SUB1: variants seen among roughly 807,000 people sequenced by gnomAD.
SUB1 encodes the protein activated RNA polymerase II transcriptional coactivator p15.
In SUB1, 1 loss-of-function variant was observed where a neutral mutation model predicts 16.9. The ratio of observed to expected loss-of-function variants is 0.06; its 90% CI spans 0.02 to 0.28. The LOEUF is 0.28. SUB1 is among the 10% of genes least tolerant of loss of function. The pLI is 1.00. For missense variants in SUB1, 84 were observed against 145.2 expected (o/e 0.58, Z 2.16); for synonymous variants, 51 against 46.9 (o/e 1.09, Z -0.36).
rs112979050 is a variant in SUB1 at position 32,591,824 on chromosome 5, C to T, written c.195+139C>T. 1.2e-4 allele frequency: 126 copies of T among 1,034,260 alleles called. No homozygotes were observed. The African/African-American group carries it at 1.3e-3, about 11-fold the overall frequency. 64.1% of individuals were successfully genotyped at this position (1,034,260 alleles called of 1,614,324 possible). On this transcript the variant is annotated intron_variant, in intron 3 of 4. Coordinates refer to ENST00000265073, the MANE Select transcript of SUB1 (RefSeq NM_006713.4). ...CAAGCAGTTCTCTGCCTCAGCCTCC[C>T]GAGTAGCTAGGATTACAGGCATCCG...
At chr5:32,588,980 C>T (rs936553461) in intron 2 of SUB1, among the ~76,000 whole-genome samples, 1 of 152,048 alleles carries the variant, frequency 6.6e-6, no homozygotes, top group Non-Finnish European at 1.5e-5. Context: ...CATTAGGAAC[C>T]CTAAAGTTGC....
intron 2 of SUB1, among the ~76,000 whole-genome samples, chr5:32,589,370 A>T (rs1219857307): frequency 2.0e-5 from 3 of 152,198 alleles, no homozygotes; most frequent in East Asian, 3.8e-4. Context: ...TACAGGTGTG[A>T]GCCATCATGA....
intron 2 of SUB1, among the ~76,000 whole-genome samples, chr5:32,590,063 C>G (rs528894103): frequency 1.1e-4 from 17 of 152,278 alleles, no homozygotes; most frequent in East Asian, 5.8e-4. Context: ...TGATGTAACA[C>G]ATGTGTATTG....
chr5:32,591,439 A>T, intron 2 of SUB1, 124 bp from the exon 3 acceptor site: 1 of 1,304,016 alleles, frequency 7.7e-7, no homozygotes, highest in Non-Finnish European at 1.0e-6. Flanking sequence ...TTGCTTATGT[A>T]TATATTTATG....
intron 2 of SUB1, among the ~76,000 whole-genome samples, chr5:32,589,377 A>T (rs1440897990): frequency 5.3e-5 from 8 of 152,200 alleles, no homozygotes; most frequent in Non-Finnish European, 1.2e-4. Context: ...GTGAGCCATC[A>T]TGAGTGGCCA....
intron 3 of SUB1, among the ~76,000 whole-genome samples, chr5:32,593,705 T>G (rs1197503866): frequency 2.0e-5 from 3 of 152,100 alleles, no homozygotes; most frequent in African/African-American, 7.2e-5. Flanking sequence ...TTCTTTTTTT[T>G]TTTTTTGAGA....
chr5:32,590,075 G>A (rs549633917), intron 2 of SUB1, among the ~76,000 whole-genome samples: 1 of 152,242 alleles, frequency 6.6e-6, no homozygotes, highest in African/African-American at 2.4e-5. Flanking sequence ...TGTGTATTGA[G>A]CTTTTATTTG....
At chr5:32,594,526 C>T in intron 3 of SUB1, 1 of 439,462 alleles carries the variant, frequency 2.3e-6, no homozygotes, top group South Asian at 1.6e-5. Context: ...GGCAGGAGTC[C>T]ATAGAATTGT....
rs892342355 is a variant in SUB1 at position 32,602,475 on chromosome 5, G to A, written c.*1391G>A. 4.3e-6 allele frequency: 1 copy of A among 233,482 alleles called. No individual in the cohort carries two copies. Among genetic ancestry groups the A allele is most frequent in the African/African-American group, 2.3e-5 (1 of 43,498 alleles). The allele number at this position is 233,482 out of a possible 1,614,324, so 14.5% of individuals were successfully genotyped here. On this transcript the variant is annotated 3_prime_UTR_variant, in exon 5 of 5. Coordinates refer to ENST00000265073, the MANE Select transcript of SUB1 (RefSeq NM_006713.4). ...TTATTTTTGGTAGCAAATCTCAAAT[G>A]GTTACCTGCTATTAAGGTCTGCCAT... is the stretch of plus-strand genomic sequence containing the variant.
chr5:32,603,523 TTTAC>T lies in SUB1; in HGVS notation c.*2443_*2446del, dbSNP rs1311198920. The T allele has an allele frequency of 1.3e-5, 2 of 152,164 alleles. No homozygotes were observed. The highest frequency in any genetic ancestry group is 2.4e-5 in the African/African-American group (1 of 41,452). The allele number at this position is 152,164 out of a possible 1,614,324, so 9.4% of individuals were successfully genotyped here. Reference sequence around the variant, plus strand: ...GACCAATTTCCAGTGCTCTTAGCATTTTACTTAAAGAACAACCACTACAAAAGAA... The same window carrying T: ...GACCAATTTCCAGTGCTCTTAGCATTTTAAAGAACAACCACTACAAAAGAA... On this transcript the variant is annotated 3_prime_UTR_variant, in exon 5 of 5. Coordinates refer to ENST00000265073, the MANE Select transcript of SUB1 (RefSeq NM_006713.4).
At chr5:32,592,799 C>T (rs1391060816) in intron 3 of SUB1, among the ~76,000 whole-genome samples, 1 of 151,994 alleles carries the variant, frequency 6.6e-6, no homozygotes, top group Non-Finnish European at 1.5e-5. Flanking sequence ...TTGACTAAAG[C>T]TGCCTACTGA....
At chr5:32,599,221 A>G in intron 4 of SUB1, 152 bp downstream of exon 4, 2 of 631,258 alleles carry the variant, frequency 3.2e-6, no homozygotes, top group East Asian at 5.8e-5. Flanking sequence ...TGGACATGAT[A>G]CTTAACATTT....
At chr5:32,590,713 A>AGCCTTCC (rs1341977938) in intron 2 of SUB1, among the ~76,000 whole-genome samples, 1 of 142,948 alleles carries the variant, frequency 7.0e-6, no homozygotes, top group Non-Finnish European at 1.5e-5. Flanking sequence ...CTCCTGCCTC[A>AGCCTTCC]GCCTTCCGAG....
At chr5:32,600,165 AAGTG>A (rs1739080683) in intron 4 of SUB1, among the ~76,000 whole-genome samples, 1 of 152,340 alleles carries the variant, frequency 6.6e-6, no homozygotes, top group African/African-American at 2.4e-5. Flanking sequence ...CACTTAGTGA[AAGTG>A]AGGCTGGAAT....
At position 32,602,296 on chromosome 5, in the gene SUB1, T is replaced by TA. The variant is rs1291118792; in HGVS notation, c.*1215dup. The TA allele has an allele frequency of 8.9e-6, 4 of 447,146 alleles. No individual in the cohort carries two copies. The highest frequency in any genetic ancestry group is 1.8e-5 in the Non-Finnish European group (4 of 224,298). 27.7% of individuals were successfully genotyped at this position (447,146 alleles called of 1,614,324 possible). On this transcript the variant is annotated 3_prime_UTR_variant, in exon 5 of 5. Coordinates refer to ENST00000265073, the MANE Select transcript of SUB1 (RefSeq NM_006713.4). ...TTATAAAGGGAATTATAACTGAAAT[T>TA]AAAGGAGGCGGCAGTGAAGAGGAAA...
At chr5:32,591,781 A>C (rs760098086) in intron 3 of SUB1, 96 bp downstream of exon 3, 22 of 1,364,662 alleles carry the variant, frequency 1.6e-5, no homozygotes, top group Admixed American at 5.7e-5. Flanking sequence ...GCTCACTGCA[A>C]CCTCAGCCTC....
intron 1 of SUB1, chr5:32,585,859 C>G (rs1336048423): frequency 6.6e-6 from 1 of 152,610 alleles, no homozygotes; most frequent in East Asian, 1.9e-4. Flanking sequence ...GGAGCCGAGT[C>G]GAGGCGGCGG....
At chr5:32,591,874 A>G (rs1290386930) in intron 3 of SUB1, among the ~76,000 whole-genome samples, 189 bp downstream of exon 3, 1 of 151,926 alleles carries the variant, frequency 6.6e-6, no homozygotes, top group Non-Finnish European at 1.5e-5. Context: ...TAATTTTTGT[A>G]TTTTTAGTAG....
At chr5:32,587,518 T>A (rs1738702965) in intron 1 of SUB1, among the ~76,000 whole-genome samples, 1 of 152,146 alleles carries the variant, frequency 6.6e-6, no homozygotes, top group Admixed American at 6.5e-5. Context: ...TAAATAGGTT[T>A]TGCACCTCCC....
Sources: allele counts gnomAD v4.1 joint callset (sites outside exome capture counted in the v4.1 genomes callset), GRCh38; gene constraint gnomAD v4.1.1; transcripts MANE v1.5; gene names NCBI Gene and HGNC (gene_info 2026-07-23, HGNC 2026-07-21).